Variants in PRKAA2 observed in about 807,000 individuals in gnomAD.
The protein encoded by PRKAA2 is protein kinase AMP-activated catalytic subunit alpha 2.
Under a neutral mutation model 56.3 loss-of-function variants are expected in PRKAA2, and 40 were observed. That is an observed-to-expected ratio of 0.71 (90% CI 0.55 to 0.92). The LOEUF is 0.92. PRKAA2 is among the 40% of genes least tolerant of loss of function. PRKAA2 has a pLI of 0.00. For missense variants in PRKAA2, 542 were observed against 686.9 expected (o/e 0.79, Z 2.36); for synonymous variants, 214 against 234.2 (o/e 0.91, Z 0.79).
chr1:56,691,318 T>C, intron 2 of PRKAA2, 76 bp from the exon 3 acceptor site: 4 of 901,158 alleles, frequency 4.4e-6, no homozygotes, highest in Non-Finnish European at 6.9e-6. Flanking sequence ...TATAAAATTG[T>C]AGCAAGAGTA....
chr1:56,671,110 G>A (rs568896269), intron 1 of PRKAA2, among the ~76,000 whole-genome samples: 3 of 152,240 alleles, frequency 2.0e-5, no homozygotes, highest in African/African-American at 7.2e-5. Context: ...ACAAACAAAA[G>A]TTTATATCTG....
At chr1:56,661,426 T>C (rs1643993546) in intron 1 of PRKAA2, among the ~76,000 whole-genome samples, 1 of 152,176 alleles carries the variant, frequency 6.6e-6, no homozygotes, top group Admixed American at 6.5e-5. Context: ...TTTTGAACTT[T>C]ATAGAGACAG....
chr1:56,647,920 C>T (rs758743283), intron 1 of PRKAA2, among the ~76,000 whole-genome samples: 14 of 151,366 alleles, frequency 9.2e-5, no homozygotes, highest in Non-Finnish European at 1.8e-4. Flanking sequence ...ATCCCAGCTA[C>T]TGAGGAGTCT....
intron 4 of PRKAA2, among the ~76,000 whole-genome samples, chr1:56,692,853 A>G (rs1644238055): frequency 6.6e-6 from 1 of 150,730 alleles, no homozygotes; most frequent in African/African-American, 2.5e-5. Flanking sequence ...TCATGAAAGT[A>G]TGGGCACTTT....
intron 2 of PRKAA2, among the ~76,000 whole-genome samples, chr1:56,690,214 A>C (rs1240078275): frequency 6.8e-6 from 1 of 146,784 alleles, no homozygotes; most frequent in African/African-American, 2.5e-5. Context: ...CCCATGCTGG[A>C]GTGCAGTGGC....
chr1:56,696,296 T>C (rs904169325), intron 6 of PRKAA2, 137 bp downstream of exon 6: 47 of 720,196 alleles, frequency 6.5e-5, no homozygotes, highest in Middle Eastern at 6.1e-4. Flanking sequence ...ATTGAACTTG[T>C]CCTTGTTTCT....
At chr1:56,696,253 A>G in intron 6 of PRKAA2, 94 bp downstream of exon 6, 1 of 1,145,180 alleles carries the variant, frequency 8.7e-7, no homozygotes, top group Non-Finnish European at 1.3e-6. Flanking sequence ...TCCTGCCCTC[A>G]CCACCTCACC....
chr1:56,681,153 T>C (rs1488573813), intron 2 of PRKAA2, among the ~76,000 whole-genome samples: 1 of 152,262 alleles, frequency 6.6e-6, no homozygotes, highest in Admixed American at 6.5e-5. Context: ...CGTAAATGTC[T>C]TCTTTTGAGA....
intron 1 of PRKAA2, among the ~76,000 whole-genome samples, chr1:56,668,048 T>C (rs1002250692): frequency 3.9e-5 from 6 of 152,178 alleles, no homozygotes; most frequent in African/African-American, 1.2e-4. Flanking sequence ...GATGATAGAC[T>C]TGATTTTACT....
chr1:56,696,156 TA>T lies in PRKAA2; in HGVS notation c.787del (p.Arg263GlufsTer31). 1 of 1,606,828 alleles carries T rather than the reference TA, an allele frequency of 6.2e-7. No homozygotes were observed. The highest frequency in any genetic ancestry group is 8.5e-7 in the Non-Finnish European group (1 of 1,174,880). Reference protein sequence around the residue: ...DPLKRATIKDIREHEWFKQDL... With the variant: ...DPLKRATIKDXREHEWFKQDL... ...CTGAAACGAGCAACTATCAAAGACA[TA>T]AGGTGATTTTTCTTTTTGTTTCTGT... is the stretch of plus-strand genomic sequence containing the variant. On this transcript the variant is annotated frameshift_variant and splice_region_variant, in exon 6 of 9. Transcript: ENST00000371244. LOFTEE classifies it high-confidence loss of function.
At position 56,648,008 on chromosome 1, in the gene PRKAA2, C is replaced by T. The variant is rs149036839; in HGVS notation, c.94+2527C>T. Among the ~76,000 whole-genome samples the T allele has an allele frequency of 6.3e-3, 927 of 147,400 alleles. 5 individuals carry two copies. The highest frequency in any genetic ancestry group is 0.021 in the African/African-American group (847 of 39,998). On this transcript the variant is annotated intron_variant, in intron 1 of 8. Coordinates refer to ENST00000371244, the MANE Select transcript of PRKAA2 (RefSeq NM_006252.4). ...TTGCATCACTGCACTCCAGCTTGGGCGGCAGAGCAAGACTCCATCTCAAAA... is the reference window on the plus strand; with the variant it reads ...TTGCATCACTGCACTCCAGCTTGGGTGGCAGAGCAAGACTCCATCTCAAAA...
At chr1:56,671,558 T>C (rs1198589902) in intron 1 of PRKAA2, 1 of 152,254 alleles carries the variant, frequency 6.6e-6, no homozygotes, top group Non-Finnish European at 1.5e-5. Context: ...TTGTTTTATA[T>C]GCTGAGAAAG....
At chr1:56,660,585 A>T (rs1643986544) in intron 1 of PRKAA2, among the ~76,000 whole-genome samples, 1 of 152,138 alleles carries the variant, frequency 6.6e-6, no homozygotes, top group Non-Finnish European at 1.5e-5. Context: ...TCTCAAATCT[A>T]ATGCTAGAGA....
chr1:56,705,433 C>G (rs1242108833), intron 7 of PRKAA2, among the ~76,000 whole-genome samples: 1 of 152,044 alleles, frequency 6.6e-6, no homozygotes, highest in Non-Finnish European at 1.5e-5. Context: ...GAGACAGGGT[C>G]TCACTCTGTT....
chr1:56,654,582 G>C (rs1449949388), intron 1 of PRKAA2, among the ~76,000 whole-genome samples: 1 of 152,122 alleles, frequency 6.6e-6, no homozygotes. Flanking sequence ...ACAAATATAA[G>C]AGAAATGTAA....
intron 1 of PRKAA2, among the ~76,000 whole-genome samples, chr1:56,662,228 A>G (rs1046708491): frequency 6.6e-6 from 1 of 152,136 alleles, no homozygotes; most frequent in African/African-American, 2.4e-5. Context: ...TGAAAGATTT[A>G]TAAGAACTTG....
chr1:56,687,027 G>A (rs1312673168), intron 2 of PRKAA2, among the ~76,000 whole-genome samples: 5 of 152,026 alleles, frequency 3.3e-5, no homozygotes, highest in African/African-American at 7.3e-5. Flanking sequence ...TGGGATTACA[G>A]GCATGTGCCA....
At chr1:56,660,543 A>G (rs1046313170) in intron 1 of PRKAA2, among the ~76,000 whole-genome samples, 3 of 152,270 alleles carry the variant, frequency 2.0e-5, no homozygotes, top group South Asian at 4.1e-4. Context: ...GCCTATCACT[A>G]CTAGACTCTA....
intron 6 of PRKAA2, 73 bp downstream of exon 6, chr1:56,696,232 A>G: frequency 7.1e-7 from 1 of 1,414,852 alleles, no homozygotes; most frequent in Non-Finnish European, 9.8e-7. Flanking sequence ...TGATTCTCCC[A>G]AAGTCTCATT....
Sources: allele counts gnomAD v4.1 joint callset (sites outside exome capture counted in the v4.1 genomes callset), GRCh38; gene constraint gnomAD v4.1.1; transcripts MANE v1.5; gene names NCBI Gene and HGNC (gene_info 2026-07-23, HGNC 2026-07-21).